The following MYRFL variants were observed in gnomAD, a reference collection of about 807,000 sequenced individuals.
The protein encoded by MYRFL is myelin regulatory factor like, also known as myelin regulatory factor-like protein.
In MYRFL, 88 loss-of-function variants were observed where a neutral mutation model predicts 109.4. The ratio of observed to expected loss-of-function variants is 0.80; its 90% CI spans 0.68 to 0.96. The LOEUF (loss-of-function observed/expected upper bound fraction) is 0.96, where lower values mean the gene tolerates loss of function less well. Ranked by LOEUF, MYRFL falls within the 40% of genes least tolerant of loss-of-function variation. MYRFL has a pLI of 0.00. For missense variants in MYRFL, 957 were observed against 954.9 expected (o/e 1.00, Z -0.03); for synonymous variants, 324 against 320.9 (o/e 1.01, Z -0.10).
At chr12:69,951,733 T>C (rs1256002380) in intron 19 of MYRFL, among the ~76,000 whole-genome samples, 5 of 152,202 alleles carry the variant, frequency 3.3e-5, no homozygotes, top group Non-Finnish European at 7.3e-5. Flanking sequence ...TGGCTCCTAA[T>C]CTTCTGCTCT....
At chr12:69,848,385 A>C (rs1672502731) in intron 1 of MYRFL, among the ~76,000 whole-genome samples, 1 of 151,978 alleles carries the variant, frequency 6.6e-6, no homozygotes, top group South Asian at 2.1e-4. Context: ...TTACATCTTT[A>C]TACTATTGCC....
rs1018797178 is a variant in MYRFL at position 69,895,439 on chromosome 12, C to A, written c.1049C>A (p.Ala350Glu). The change falls in exon 9 of 25, where the codon GCA becomes GAA. Residue 350 changes from alanine to glutamate, a missense_variant. By Grantham distance (107) the Ala-to-Glu change is moderately radical (BLOSUM62 -1). Transcript: ENST00000552032. ...CGATTACACTTCAGCGAAACCACAG[C>A]AAATAATATGAGAAAAAAGGGAAAA... ...LGRLHFSETT[A>E]NNMRKKGKPN... 1 of 1,535,388 alleles carries A rather than the reference C, an allele frequency of 6.5e-7. No individual in the cohort carries two copies. Among genetic ancestry groups the A allele is most frequent in the African/African-American group, 1.4e-5 (1 of 72,924 alleles).
rs957629209 is a variant in MYRFL at position 69,936,475 on chromosome 12, C to A, written c.2067C>A (p.Thr689=). The change falls in exon 19 of 25, where the codon ACC becomes ACA. Residue 689 remains threonine (T), a synonymous_variant. Coordinates refer to ENST00000552032, the MANE Select transcript of MYRFL (RefSeq NM_182530.3). ...SSSAPNTSLV[T]TPASLQVPEI... The stretch of plus-strand genomic sequence containing the variant: ...CAGCACCTAATACATCCCTGGTAAC[C>A]ACACCGGCCTCCTTACAAGTACCTG... 1 of 1,535,724 alleles carries A rather than the reference C, an allele frequency of 6.5e-7. No homozygotes were observed. The highest frequency in any genetic ancestry group is 8.7e-7 in the Non-Finnish European group (1 of 1,146,734).
chr12:69,924,190 GAA>G (rs543542332), intron 13 of MYRFL, among the ~76,000 whole-genome samples: 26,044 of 78,792 alleles, frequency 0.33, 1,458 homozygotes, highest in Non-Finnish European at 0.37. Flanking sequence ...CTCCGTCTCA[GAA>G]AAAAAAAAAA....
At chr12:69,850,079 T>C (rs1019366506) in intron 1 of MYRFL, among the ~76,000 whole-genome samples, 1 of 152,354 alleles carries the variant, frequency 6.6e-6, no homozygotes, top group Admixed American at 6.5e-5. Context: ...ATGAATTTCA[T>C]GAGACCTCAT....
chr12:69,839,503 A>AT (rs924576912), intron 1 of MYRFL, among the ~76,000 whole-genome samples: 1 of 152,106 alleles, frequency 6.6e-6, no homozygotes, highest in African/African-American at 2.4e-5. Flanking sequence ...TTCTTCTGCT[A>AT]TTTTTTACAA....
intron 2 of MYRFL, among the ~76,000 whole-genome samples, chr12:69,865,301 T>A (rs1348437806): frequency 6.6e-6 from 1 of 152,214 alleles, no homozygotes; most frequent in Non-Finnish European, 1.5e-5. Flanking sequence ...TGTGATCTAA[T>A]GGTAATAGAC....
rs188565303 is a variant in MYRFL at position 69,899,647 on chromosome 12, G to A, written c.1182+2401G>A. Among the ~76,000 whole-genome samples, 25 of 152,274 alleles carry A rather than the reference G, an allele frequency of 1.6e-4. 1 individual carries two copies. Among genetic ancestry groups the A allele is most frequent in the African/African-American group, 6.0e-4 (25 of 41,570 alleles). ...CCACTTGTCCTAATGGCAGAGATTG[G>A]CATTTTACTATTTGGTAAGGGTGAT... On this transcript the variant is annotated intron_variant, in intron 10 of 24. Coordinates refer to ENST00000552032, the MANE Select transcript of MYRFL (RefSeq NM_182530.3).
At chr12:69,917,786 C>T (rs535383432) in intron 13 of MYRFL, among the ~76,000 whole-genome samples, 5 of 151,736 alleles carry the variant, frequency 3.3e-5, no homozygotes, top group Non-Finnish European at 5.9e-5. Context: ...GTTTTTAAAT[C>T]TCCATGAAAG....
At chr12:69,862,646 T>A (rs1052672192) in intron 2 of MYRFL, among the ~76,000 whole-genome samples, 1 of 151,772 alleles carries the variant, frequency 6.6e-6, no homozygotes, top group African/African-American at 2.4e-5. Context: ...AAGGAGATTT[T>A]GGGCTGAGAC....
intron 21 of MYRFL, among the ~76,000 whole-genome samples, chr12:69,954,890 C>A (rs897167795): frequency 6.6e-6 from 1 of 152,174 alleles, no homozygotes; most frequent in African/African-American, 2.4e-5. Context: ...ACAATTTTAG[C>A]AGATTCAGAT....
At chr12:69,925,330 T>G (rs1473968816) in intron 13 of MYRFL, among the ~76,000 whole-genome samples, 1 of 152,208 alleles carries the variant, frequency 6.6e-6, no homozygotes, top group Non-Finnish European at 1.5e-5. Flanking sequence ...GTCTTTGAAC[T>G]GCGTACACTA....
At chr12:69,910,799 C>G in intron 12 of MYRFL, 22 bp from the exon 13 acceptor site, 1 of 1,469,170 alleles carries the variant, frequency 6.8e-7, no homozygotes. Context: ...AAGATTAAAC[C>G]TGTGGAGTGT....
At chr12:69,942,239 G>T (rs200270259) in intron 19 of MYRFL, among the ~76,000 whole-genome samples, 17,229 of 138,148 alleles carry the variant, frequency 0.12, 1,540 homozygotes, top group East Asian at 0.47. Context: ...CCAAAAAAGA[G>T]AATTTTAGAC....
chr12:69,865,720 G>T (rs1265503260), intron 2 of MYRFL, among the ~76,000 whole-genome samples: 1 of 152,092 alleles, frequency 6.6e-6, no homozygotes, highest in African/African-American at 2.4e-5. Context: ...TAGTCTCCGT[G>T]ATAATAATGG....
chr12:69,872,431 C>G (rs1004160413), intron 2 of MYRFL, among the ~76,000 whole-genome samples: 1 of 152,144 alleles, frequency 6.6e-6, no homozygotes, highest in East Asian at 1.9e-4. Context: ...TCAAGTGATC[C>G]TCCTGCCTCA....
rs1394457346 is a variant in MYRFL at position 69,939,740 on chromosome 12, ACT to A, written c.2224+3111_2224+3112del. ...GAAGAAGGCTTCAGACGATCAAATT[ACT>A]CTGAGCTACGGGAGGACATTCAAAC... On this transcript the variant is annotated intron_variant, in intron 19 of 24. Transcript: ENST00000552032. Among the ~76,000 whole-genome samples, 16 of 151,856 alleles carry A rather than the reference ACT, an allele frequency of 1.1e-4. No homozygotes were observed. In the East Asian group the frequency reaches 2.0e-3, roughly 19 times the overall value.
chr12:69,947,398 G>C (rs1325280712), intron 19 of MYRFL, among the ~76,000 whole-genome samples: 1 of 152,068 alleles, frequency 6.6e-6, no homozygotes, highest in Non-Finnish European at 1.5e-5. Context: ...GATCATATCT[G>C]TGTAAAGTGT....
intron 13 of MYRFL, among the ~76,000 whole-genome samples, chr12:69,914,412 C>A (rs1954668883): frequency 6.6e-6 from 1 of 152,114 alleles, no homozygotes; most frequent in Non-Finnish European, 1.5e-5. Context: ...AGTATGTCAG[C>A]AAGCTGCCAA....
Sources: allele counts gnomAD v4.1 joint callset (sites outside exome capture counted in the v4.1 genomes callset), GRCh38; gene constraint gnomAD v4.1.1; transcripts MANE v1.5; gene names NCBI Gene and HGNC (gene_info 2026-07-23, HGNC 2026-07-21).